The following ATRIP variants were observed in gnomAD, a reference collection of about 807,000 sequenced individuals.
The protein encoded by ATRIP is ATR interacting protein, also known as ATR-interacting protein.
In ATRIP, 44 loss-of-function variants were observed where a neutral mutation model predicts 78.1. That is an observed-to-expected ratio of 0.56 (90% CI 0.44 to 0.72). ATRIP has a LOEUF of 0.72. Among genes scored for constraint, ATRIP ranks in the 30% least tolerant of loss-of-function variants. The pLI, the probability that ATRIP is intolerant of heterozygous loss-of-function variation, is 0.00. For synonymous variants in ATRIP, 388 were observed against 408.9 expected (o/e 0.95, Z 0.62); for missense variants, 927 against 980.2 (o/e 0.95, Z 0.72).
chr3:48,450,152 C>T lies in ATRIP; in HGVS notation c.363C>T (p.Tyr121=). The T allele has an allele frequency of 2.5e-6, 4 of 1,608,912 alleles. No homozygotes were observed. The highest frequency in any genetic ancestry group is 3.4e-6 in the Non-Finnish European group (4 of 1,178,506). Residue 121 remains tyrosine (Y), a synonymous_variant, in exon 2 of 13, where the codon TAC becomes TAT. Coordinates refer to ENST00000320211, the MANE Select transcript of ATRIP (RefSeq NM_130384.3). ...NFELEVLQAQ[Y]KELKEKMKVM... The stretch of plus-strand genomic sequence containing the variant: ...AATTAGAGGTACTTCAGGCACAATA[C>T]AAAGAACTTAAAGAAAAGGTAAGTG...
intron 12 of ATRIP, 94 bp downstream of exon 12, chr3:48,465,177 C>T (rs946435806): frequency 2.0e-6 from 3 of 1,485,654 alleles, no homozygotes; most frequent in African/African-American, 2.8e-5. Context: ...TCAGCAGGCC[C>T]CCGCCCACTG....
chr3:48,446,878 G>A lies in ATRIP; in HGVS notation c.33G>A (p.Arg11=). The change falls in exon 1 of 13, where the codon AGG becomes AGA. Residue 11 remains arginine (R), a synonymous_variant. Transcript: ENST00000320211. Reference sequence around the variant, plus strand: ...GGACCTCCGCGCCAGGCAGCAAGAGGCGGAGCGAGCCCCCGGCGCCTCGCC... The same window carrying A: ...GGACCTCCGCGCCAGGCAGCAAGAGACGGAGCGAGCCCCCGGCGCCTCGCC... MAGTSAPGSK[R]RSEPPAPRPG... The A allele has an allele frequency of 7.1e-7, 1 of 1,400,598 alleles. No homozygotes were observed. The allele number at this position is 1,400,598 out of a possible 1,614,324, so 86.8% of individuals were successfully genotyped here. A position where few individuals can be genotyped will look rare whatever the true frequency, so the allele number is the denominator to read the frequency against.
chr3:48,464,197 CT>C (rs2040202395), intron 10 of ATRIP, 65 bp downstream of exon 10: 1 of 1,367,376 alleles, frequency 7.3e-7, no homozygotes, highest in African/African-American at 1.4e-5. Context: ...ACAGAATCTC[CT>C]TTCTTTCCGC....
intron 2 of ATRIP, among the ~76,000 whole-genome samples, chr3:48,451,129 C>A (rs2039825233): frequency 6.6e-6 from 1 of 151,614 alleles, no homozygotes; most frequent in African/African-American, 2.4e-5. Flanking sequence ...GTGAAGGTTG[C>A]AGTGAGCCGA....
intron 2 of ATRIP, among the ~76,000 whole-genome samples, chr3:48,451,523 A>G (rs2039836095): frequency 6.6e-6 from 1 of 152,190 alleles, no homozygotes; most frequent in African/African-American, 2.4e-5. Context: ...TGGCAAGTGT[A>G]TGCTTAAGCT....
At chr3:48,450,632 G>A (rs1413638286) in intron 2 of ATRIP, 1 of 985,234 alleles carries the variant, frequency 1.0e-6, no homozygotes, top group South Asian at 1.5e-5. Flanking sequence ...TGTCATCCAG[G>A]CTGGAGTACA....
At chr3:48,463,997 A>G (rs372604843) in intron 9 of ATRIP, 44 bp from the exon 10 acceptor site, 228 of 1,606,900 alleles carry the variant, frequency 1.4e-4, no homozygotes, top group Non-Finnish European at 1.9e-4. Context: ...CACGCTCTTT[A>G]TGAGAAAGGG....
At chr3:48,462,961 AC>A (rs1178900437) in intron 8 of ATRIP, among the ~76,000 whole-genome samples, 1 of 152,154 alleles carries the variant, frequency 6.6e-6, no homozygotes, top group African/African-American at 2.4e-5. Flanking sequence ...ACATAGTGAG[AC>A]CTTGCTTCCT....
At position 48,466,247 on chromosome 3, in the gene ATRIP, C is replaced by A; in HGVS notation, c.*693C>A. ...CAAGTTTCACTTCCCGCCACTGCTGCCAGCGAGAGCCGCGGGAGAGTGTGC... is the reference window on the plus strand; with the variant it reads ...CAAGTTTCACTTCCCGCCACTGCTGACAGCGAGAGCCGCGGGAGAGTGTGC... On this transcript the variant is annotated 3_prime_UTR_variant, in exon 13 of 13. Coordinates refer to ENST00000320211, the MANE Select transcript of ATRIP (RefSeq NM_130384.3). 1.6e-6 allele frequency: 1 copy of A among 606,636 alleles called. No homozygotes were observed. Among genetic ancestry groups the A allele is most frequent in the Non-Finnish European group, 2.9e-6 (1 of 340,444 alleles). 37.6% of individuals were successfully genotyped at this position (606,636 alleles called of 1,614,324 possible). A position where few individuals can be genotyped will look rare whatever the true frequency, so the allele number is the denominator to read the frequency against.
chr3:48,457,523 AG>A (rs1192060247), intron 5 of ATRIP, 107 bp downstream of exon 5: 4 of 909,670 alleles, frequency 4.4e-6, no homozygotes, highest in Non-Finnish European at 6.1e-6. Flanking sequence ...AATTCTGACA[AG>A]GCACAGAGGG....
chr3:48,460,853 A>C, intron 8 of ATRIP, 54 bp downstream of exon 8: 1 of 1,482,508 alleles, frequency 6.7e-7, no homozygotes, highest in Non-Finnish European at 9.2e-7. Context: ...TGACCTCTTA[A>C]GGTCTAACCC....
intron 2 of ATRIP, 94 bp from the exon 3 acceptor site, chr3:48,451,635 G>T (rs990898468): frequency 2.8e-6 from 3 of 1,086,312 alleles, no homozygotes; most frequent in African/African-American, 3.2e-5. Context: ...TGTTTTTCCT[G>T]TGCTTTCTCC....
chr3:48,459,722 C>A, intron 6 of ATRIP, 65 bp from the exon 7 acceptor site: 1 of 1,583,760 alleles, frequency 6.3e-7, no homozygotes, highest in Non-Finnish European at 8.6e-7. Context: ...TTACTGTTTC[C>A]TTCTGAAAGC....
At position 48,450,190 on chromosome 3, in the gene ATRIP, G is replaced by T. The variant is rs531253407; in HGVS notation, c.381+20G>T. 2 of 1,598,938 alleles carry T rather than the reference G, an allele frequency of 1.3e-6. No individual in the cohort carries two copies. The highest frequency in any genetic ancestry group is 1.8e-5 in the Admixed American group (1 of 56,172). On this transcript the variant is annotated intron_variant, in intron 2 of 12. Coordinates refer to ENST00000320211, the MANE Select transcript of ATRIP (RefSeq NM_130384.3). ...GAAAAGGTAAGTGACTTAACTTGTG[G>T]TTTTTGTAGCTAATTCATTCACTTA... is the stretch of plus-strand genomic sequence containing the variant.
Position 48,460,684 on chromosome 3 carries a change from C to T in ATRIP, c.1630C>T (p.His544Tyr), listed in dbSNP as rs1319650245. 6 of 1,614,020 alleles carry T rather than the reference C, an allele frequency of 3.7e-6. No homozygotes were observed. The highest frequency in any genetic ancestry group is 5.1e-6 in the Non-Finnish European group (6 of 1,179,976). ...GQHPLLKMLL[H>Y]LLAFSSAATG... The stretch of plus-strand genomic sequence containing the variant: ...GCACCCACTGTTGAAGATGCTTCTT[C>T]ACCTGTTGGCTTTCTCTTCTGCAGC... Residue 544 changes from histidine to tyrosine, a missense_variant, in exon 8 of 13, where the codon CAC (histidine) becomes TAC (tyrosine). Transcript: ENST00000320211.
In ATRIP at chr3:48,460,339, T is replaced by C. The variant is rs758968406; in HGVS notation, c.1285T>C (p.Leu429=). 1 of 1,613,432 alleles carries C rather than the reference T, an allele frequency of 6.2e-7. No individual in the cohort carries two copies. The highest frequency in any genetic ancestry group is 2.2e-5 in the East Asian group (1 of 44,876). The change falls in exon 8 of 13, where the codon TTA becomes CTA. Residue 429 remains leucine (L), a synonymous_variant. Transcript: ENST00000320211. ...FLPLVQFFIG[L]HCQALQDLAA... is the part of the protein sequence containing the mutation. ...CCCCCTTGTACAGTTCTTCATCGGC[T>C]TACACTGCCAGGCCCTGCAGGACTT...
intron 2 of ATRIP, 90 bp from the exon 3 acceptor site, chr3:48,451,639 T>C (rs2039838573): frequency 8.8e-7 from 1 of 1,132,784 alleles, no homozygotes; most frequent in Non-Finnish European, 1.3e-6. Flanking sequence ...TTTCCTGTGC[T>C]TTCTCCATCT....
chr3:48,456,913 C>G lies in ATRIP; in HGVS notation c.672-346C>G, dbSNP rs966413378. On this transcript the variant is annotated intron_variant, in intron 4 of 12. Transcript: ENST00000320211. Reference sequence around the variant, plus strand: ...TTTTCAATAATTTGGATCAAAATCCCTGGAATTAGCCAGTAACAGTGGATC... The same window carrying G: ...TTTTCAATAATTTGGATCAAAATCCGTGGAATTAGCCAGTAACAGTGGATC... Among the ~76,000 whole-genome samples, 8 of 152,010 alleles carry G rather than the reference C, an allele frequency of 5.3e-5. No individual in the cohort carries two copies. The South Asian group carries it at 1.7e-3, about 32-fold the overall frequency.
At chr3:48,455,112 C>A (rs1433138325) in intron 4 of ATRIP, among the ~76,000 whole-genome samples, 1 of 152,204 alleles carries the variant, frequency 6.6e-6, no homozygotes, top group African/African-American at 2.4e-5. Flanking sequence ...ATTTGCCAGC[C>A]TGGGCCTCCC....
Sources: allele counts gnomAD v4.1 joint callset (sites outside exome capture counted in the v4.1 genomes callset), GRCh38; gene constraint gnomAD v4.1.1; transcripts MANE v1.5; gene names NCBI Gene and HGNC (gene_info 2026-07-23, HGNC 2026-07-21).